RAP1GAP2: variants seen among roughly 807,000 people sequenced by gnomAD.
RAP1GAP2 encodes RAP1 GTPase activating protein 2.
Under a neutral mutation model 95.0 loss-of-function variants are expected in RAP1GAP2, and 27 were observed. That is an observed-to-expected ratio of 0.28 (90% confidence interval 0.21 to 0.39). RAP1GAP2 has a LOEUF of 0.39. Among genes scored for constraint, RAP1GAP2 ranks in the 10% least tolerant of loss-of-function variants. RAP1GAP2 has a pLI of 1.00. For synonymous variants in RAP1GAP2, 373 were observed against 380.9 expected (o/e 0.98, Z 0.24); for missense variants, 771 against 970.0 (o/e 0.79, Z 2.72).
At chr17:2,891,309 G>A (rs1345065932) in intron 2 of RAP1GAP2, among the ~76,000 whole-genome samples, 2 of 151,814 alleles carry the variant, frequency 1.3e-5, no homozygotes, top group Non-Finnish European at 2.9e-5. Context: ...CACCATGCCT[G>A]GCTAATTTTT....
intron 2 of RAP1GAP2, among the ~76,000 whole-genome samples, chr17:2,893,809 A>G (rs2073799193): frequency 6.6e-6 from 1 of 152,192 alleles, no homozygotes; most frequent in African/African-American, 2.4e-5. Flanking sequence ...AGTGCGTTTG[A>G]AGGGCTGGGT....
In RAP1GAP2 at chr17:2,938,055, C is replaced by T. The variant is rs116158163; in HGVS notation, c.166-19704C>T. Among the ~76,000 whole-genome samples, 750 of 152,268 alleles carry T rather than the reference C, an allele frequency of 4.9e-3. 4 individuals carry two copies. The highest frequency in any genetic ancestry group is 0.017 in the African/African-American group (713 of 41,560). The stretch of plus-strand genomic sequence containing the variant: ...GCTGGGCAGGAGCAGGGAGCGAGCA[C>T]GGAGCCAGGGCTGGGAGGAAGGATC... On this transcript the variant is annotated intron_variant, in intron 3 of 24. Transcript: ENST00000254695.
At chr17:3,002,254 C>T (rs1031454172) in intron 14 of RAP1GAP2, among the ~76,000 whole-genome samples, 2 of 152,230 alleles carry the variant, frequency 1.3e-5, no homozygotes, top group Non-Finnish European at 2.9e-5. Context: ...AACCATCATG[C>T]CTGGCTGTCT....
intron 12 of RAP1GAP2, among the ~76,000 whole-genome samples, chr17:2,994,342 G>T (rs143727770): frequency 6.6e-6 from 1 of 152,314 alleles, no homozygotes; most frequent in African/African-American, 2.4e-5. Context: ...AAAGGAACCT[G>T]CATCTGCTGA....
chr17:2,990,070 G>T (rs774035074), intron 11 of RAP1GAP2, among the ~76,000 whole-genome samples: 2 of 152,188 alleles, frequency 1.3e-5, no homozygotes, highest in Non-Finnish European at 2.9e-5. Flanking sequence ...GTATCAGCAC[G>T]TTGTTCCTTG....
Position 2,810,805 on chromosome 17 carries a change from A to G in RAP1GAP2, c.80+10255A>G, listed in dbSNP as rs188968312. 6.7e-3 allele frequency among the ~76,000 whole-genome samples: 1,022 copies of G among 152,216 alleles called. 3 individuals carry two copies. The highest frequency in any genetic ancestry group is 0.014 in the Middle Eastern group (4 of 292). On this transcript the variant is annotated intron_variant, in intron 2 of 24. Coordinates refer to ENST00000254695, the MANE Select transcript of RAP1GAP2 (RefSeq NM_015085.5). ...CAGCCTCCCAAAGTGCTGGGATTAC[A>G]GGCGTGAGCCACCGCGCCTGGCCAA... is the stretch of plus-strand genomic sequence containing the variant.
intron 2 of RAP1GAP2, among the ~76,000 whole-genome samples, chr17:2,840,309 GC>G (rs1244306855): frequency 6.6e-6 from 1 of 150,928 alleles, no homozygotes; most frequent in African/African-American, 2.4e-5. Context: ...GATTACAGGC[GC>G]CCACCACAAC....
intron 17 of RAP1GAP2, among the ~76,000 whole-genome samples, chr17:3,010,470 T>C (rs1046156150): frequency 1.3e-5 from 2 of 152,124 alleles, no homozygotes; most frequent in African/African-American, 4.8e-5. Flanking sequence ...TGGAGTTAAT[T>C]GGTTTTTCAG....
intron 2 of RAP1GAP2, among the ~76,000 whole-genome samples, chr17:2,824,131 AAAAAAG>A (rs1176886269): frequency 6.9e-6 from 1 of 145,976 alleles, no homozygotes; most frequent in Admixed American, 6.9e-5. Context: ...AAAAAAAAAA[AAAAAAG>A]AAAGAAAGAA....
intron 19 of RAP1GAP2, 76 bp from the exon 20 acceptor site, chr17:3,025,932 C>G (rs2047097566): frequency 1.8e-6 from 2 of 1,118,108 alleles, no homozygotes; most frequent in South Asian, 2.7e-5. Context: ...CCGAGAGAGG[C>G]TCTGCCTGGG....
chr17:2,989,266 G>A (rs1356449229), intron 11 of RAP1GAP2, among the ~76,000 whole-genome samples: 1 of 152,132 alleles, frequency 6.6e-6, no homozygotes, highest in Non-Finnish European at 1.5e-5. Flanking sequence ...TTCTCTAATG[G>A]TTAATGATGT....
At position 3,004,569 on chromosome 17, in the gene RAP1GAP2, G is replaced by A; in HGVS notation, c.1201-800G>A. On this transcript the variant is annotated intron_variant, in intron 14 of 24. Transcript: ENST00000254695. The surrounding 1 kb of genome is among the most constrained non-coding windows in gnomAD (Gnocchi z 4.1). ...GTGCAGAGGGAAGGCGGGGTGTGGG[G>A]CCCGTCCCACGCCTGGGCGACCCCC... 6.6e-6 allele frequency among the ~76,000 whole-genome samples: 1 copy of A among 152,262 alleles called. No individual in the cohort carries two copies. Among genetic ancestry groups the A allele is most frequent in the Non-Finnish European group, 1.5e-5 (1 of 68,046 alleles).
chr17:2,793,449 C>T (rs968013360), upstream of RAP1GAP2, among the ~76,000 whole-genome samples: 8 of 152,188 alleles, frequency 5.3e-5, no homozygotes, highest in African/African-American at 1.4e-4. Flanking sequence ...CCACTGCACC[C>T]GGCCTGCAAC....
At chr17:2,886,475 A>G (rs1343280405) in intron 2 of RAP1GAP2, among the ~76,000 whole-genome samples, 1 of 152,086 alleles carries the variant, frequency 6.6e-6, no homozygotes, top group African/African-American at 2.4e-5. Flanking sequence ...GCCCGGCCAT[A>G]TGTATTTATA....
chr17:2,933,105 A>C lies in RAP1GAP2; in HGVS notation c.166-24654A>C, dbSNP rs565472795. ...CCTCCTCCATGAGCCAGCCAGCCAGACAGTGGGCAGGAGAGGGCGGGAAGA... is the reference window on the plus strand; with the variant it reads ...CCTCCTCCATGAGCCAGCCAGCCAGCCAGTGGGCAGGAGAGGGCGGGAAGA... On this transcript the variant is annotated intron_variant, in intron 3 of 24. Coordinates refer to ENST00000254695, the MANE Select transcript of RAP1GAP2 (RefSeq NM_015085.5). Among the ~76,000 whole-genome samples, 11 of 152,328 alleles carry C rather than the reference A, an allele frequency of 7.2e-5. No homozygotes were observed. In the South Asian group the frequency reaches 2.1e-3, roughly 29 times the overall value.
At chr17:2,776,338 C>T (rs183216437), upstream of RAP1GAP2, among the ~76,000 whole-genome samples, 1 of 152,338 alleles carries the variant, frequency 6.6e-6, no homozygotes, top group Non-Finnish European at 1.5e-5. Context: ...CAGGAGCCCC[C>T]AGGCCTCACC....
intron 2 of RAP1GAP2, among the ~76,000 whole-genome samples, chr17:2,770,969 C>T (rs931260697): frequency 6.6e-6 from 1 of 152,102 alleles, no homozygotes; most frequent in African/African-American, 2.4e-5. Context: ...ATCTCTTGAA[C>T]CCCGGAGGCA....
intron 1 of RAP1GAP2, among the ~76,000 whole-genome samples, chr17:2,784,427 C>T (rs1437688348): frequency 6.6e-6 from 1 of 152,124 alleles, no homozygotes; most frequent in Non-Finnish European, 1.5e-5. Flanking sequence ...CCTGCCATGA[C>T]ACCTGGCTAA....
At chr17:2,830,957 CCCCTCCCCTT>C (rs2070809109) in intron 2 of RAP1GAP2, among the ~76,000 whole-genome samples, 2 of 121,464 alleles carry the variant, frequency 1.6e-5, no homozygotes, top group East Asian at 2.6e-4. Flanking sequence ...CCCTTCCCCT[CCCCTCCCCTT>C]CCCTCCCTTC....
Sources: gnomAD v4.1 joint callset for allele counts (sites outside exome capture counted in the v4.1 genomes callset) on GRCh38, gnomAD v4.1.1 for gene constraint, Gnocchi (gnomAD v3.1) non-coding constraint, MANE v1.5 for transcripts, NCBI Gene and HGNC (gene_info 2026-07-23, HGNC 2026-07-21) for gene names.